The following MLLT3 variants were observed in gnomAD, a reference collection of about 807,000 sequenced individuals.
The protein encoded by MLLT3 is protein AF-9.
MLLT3 carries 4 observed loss-of-function variants against 53.2 expected under a neutral mutation model. The ratio of observed to expected loss-of-function variants is 0.08; its 90% CI spans 0.04 to 0.17. The LOEUF (loss-of-function observed/expected upper bound fraction) is 0.17, where lower values mean the gene tolerates loss of function less well. Among genes scored for constraint, MLLT3 ranks in the 10% least tolerant of loss-of-function variants. MLLT3 has a pLI of 1.00. For missense variants in MLLT3, 569 were observed against 684.0 expected (o/e 0.83, Z 1.87); for synonymous variants, 283 against 230.6 (o/e 1.23, Z -2.06).
chr9:20,358,445 G>A (rs983708640), intron 8 of MLLT3, among the ~76,000 whole-genome samples: 13 of 152,284 alleles, frequency 8.5e-5, no homozygotes, highest in East Asian at 1.9e-4. Context: ...AAATAAACAC[G>A]CCAAGGAACC....
intron 2 of MLLT3, among the ~76,000 whole-genome samples, chr9:20,603,880 A>AT (rs1327866498): frequency 2.0e-5 from 3 of 152,068 alleles, no homozygotes; most frequent in Non-Finnish European, 4.4e-5. Context: ...AAATACTGAA[A>AT]TTTATCTTGA....
chr9:20,602,340 A>G (rs1820446066), intron 2 of MLLT3, among the ~76,000 whole-genome samples: 1 of 152,196 alleles, frequency 6.6e-6, no homozygotes, highest in South Asian at 2.1e-4. Flanking sequence ...ACTATACAGC[A>G]TAGTATTTAT....
At chr9:20,469,208 T>C (rs1824309994) in intron 2 of MLLT3, among the ~76,000 whole-genome samples, 1 of 152,164 alleles carries the variant, frequency 6.6e-6, no homozygotes, top group African/African-American at 2.4e-5. Context: ...AGGAACTTGG[T>C]ATAATTTAGT....
intron 2 of MLLT3, among the ~76,000 whole-genome samples, chr9:20,605,511 G>A (rs915283373): frequency 1.3e-5 from 2 of 152,030 alleles, no homozygotes; most frequent in Non-Finnish European, 2.9e-5. Flanking sequence ...CTAGAAAGAA[G>A]CTCCAAAATA....
chr9:20,529,962 C>G (rs1198993706), intron 2 of MLLT3, among the ~76,000 whole-genome samples: 3 of 152,066 alleles, frequency 2.0e-5, no homozygotes, highest in South Asian at 4.1e-4. Flanking sequence ...GCACTTTTAT[C>G]TACTTACCTA....
intron 2 of MLLT3, among the ~76,000 whole-genome samples, chr9:20,515,555 CAG>C (rs1156768862): frequency 6.6e-6 from 1 of 152,154 alleles, no homozygotes; most frequent in Non-Finnish European, 1.5e-5. Flanking sequence ...TTGGGATGGC[CAG>C]AGACTGTGAG....
intron 2 of MLLT3, among the ~76,000 whole-genome samples, chr9:20,515,773 A>C (rs1461304196): frequency 6.6e-6 from 1 of 152,156 alleles, no homozygotes; most frequent in African/African-American, 2.4e-5. Flanking sequence ...GAGTCATAAC[A>C]GGCAGCAGCC....
intron 2 of MLLT3, among the ~76,000 whole-genome samples, chr9:20,511,508 G>A (rs1825531997): frequency 6.6e-6 from 1 of 152,078 alleles, no homozygotes; most frequent in Admixed American, 6.5e-5. Flanking sequence ...AAGCAACAGT[G>A]AATTACATTA....
intron 5 of MLLT3, among the ~76,000 whole-genome samples, chr9:20,397,258 A>G (rs944544561): frequency 9.2e-5 from 14 of 152,148 alleles, no homozygotes; most frequent in Non-Finnish European, 7.4e-5. Flanking sequence ...TCATAGAAAC[A>G]ATTGCTTTTT....
intron 2 of MLLT3, among the ~76,000 whole-genome samples, chr9:20,564,851 C>T (rs976618880): frequency 1.8e-4 from 27 of 151,504 alleles, no homozygotes; most frequent in Non-Finnish European, 3.2e-4. Flanking sequence ...ACCTCCACTT[C>T]CCCATCACTA....
chr9:20,413,622 G>A (rs1164216205), intron 5 of MLLT3, 99 bp downstream of exon 5: 13 of 1,013,456 alleles, frequency 1.3e-5, no homozygotes, highest in Non-Finnish European at 1.9e-5. Context: ...CCATTTTATG[G>A]CTCAGCATTC....
chr9:20,561,132 C>T lies in MLLT3; in HGVS notation c.193+59522G>A, dbSNP rs142386692. Among the ~76,000 whole-genome samples, 381 of 152,148 alleles carry T rather than the reference C, an allele frequency of 2.5e-3. 2 individuals are homozygous for T. The highest frequency in any genetic ancestry group is 3.1e-3 in the Admixed American group (47 of 15,280). On this transcript the variant is annotated intron_variant, in intron 2 of 10. Transcript: ENST00000380338. ...TTTCTCCAGGTTACACATGCATGCA[C>T]GCACACACACGCGTGTGTGCACAAG... is the stretch of plus-strand genomic sequence containing the variant.
intron 5 of MLLT3, among the ~76,000 whole-genome samples, chr9:20,395,011 G>T (rs568054724): frequency 5.9e-5 from 9 of 152,218 alleles, no homozygotes; most frequent in Admixed American, 5.2e-4. Flanking sequence ...AGGAAAGGGC[G>T]TAATCTCCCC....
chr9:20,425,209 G>T (rs541129537), intron 4 of MLLT3, among the ~76,000 whole-genome samples: 112 of 152,224 alleles, frequency 7.4e-4, no homozygotes, highest in Non-Finnish European at 1.5e-4. Flanking sequence ...ATTTAAAATG[G>T]TGTCATATTA....
chr9:20,370,675 T>C (rs1821576584), intron 5 of MLLT3, among the ~76,000 whole-genome samples: 3 of 152,116 alleles, frequency 2.0e-5, no homozygotes, highest in African/African-American at 7.2e-5. Context: ...CACGCCTAGC[T>C]AATTTGTATA....
At chr9:20,582,479 T>C (rs939513691) in intron 2 of MLLT3, among the ~76,000 whole-genome samples, 2 of 152,218 alleles carry the variant, frequency 1.3e-5, no homozygotes, top group African/African-American at 4.8e-5. Context: ...GTTATAAAAT[T>C]GAAGTCATAT....
intron 2 of MLLT3, among the ~76,000 whole-genome samples, chr9:20,464,782 C>A (rs1227534530): frequency 6.6e-6 from 1 of 152,012 alleles, no homozygotes; most frequent in Non-Finnish European, 1.5e-5. Flanking sequence ...ACTACTTAGC[C>A]CCTTACCTGA....
At chr9:20,488,723 A>G (rs1023565973) in intron 2 of MLLT3, among the ~76,000 whole-genome samples, 1 of 152,202 alleles carries the variant, frequency 6.6e-6, no homozygotes, top group African/African-American at 2.4e-5. Context: ...GGAGGCTCCA[A>G]TTCACTGAAA....
intron 2 of MLLT3, among the ~76,000 whole-genome samples, chr9:20,499,267 A>T (rs2118936538): frequency 6.6e-6 from 1 of 152,344 alleles, no homozygotes; most frequent in East Asian, 1.9e-4. Flanking sequence ...ACTATTTCCA[A>T]ATAAGGTCAC....
Sources: allele counts gnomAD v4.1 joint callset (sites outside exome capture counted in the v4.1 genomes callset), GRCh38; gene constraint gnomAD v4.1.1; transcripts MANE v1.5; gene names NCBI Gene and HGNC (gene_info 2026-07-23, HGNC 2026-07-21).